The following SLC66A2 variants were observed in gnomAD, a reference collection of about 807,000 sequenced individuals.
The protein encoded by SLC66A2 is PQ loop repeat containing 1.
SLC66A2 carries 23 observed loss-of-function variants against 25.5 expected under a neutral mutation model. That is an observed-to-expected ratio of 0.90 (90% CI 0.65 to 1.28). SLC66A2 has a LOEUF of 1.28. Among genes scored for constraint, SLC66A2 ranks in the 50% most tolerant of loss-of-function variants. SLC66A2 has a pLI of 0.00. For missense variants in SLC66A2, 396 were observed against 373.1 expected (o/e 1.06, Z -0.51); for synonymous variants, 193 against 166.5 (o/e 1.16, Z -1.23).
At chr18:79,949,821 T>C (rs1255318139) in intron 2 of SLC66A2, 1 of 152,200 alleles carries the variant, frequency 6.6e-6, no homozygotes, top group African/African-American at 2.4e-5. Context: ...CACCTTCCAA[T>C]CTGCCCGGAC....
intron 5 of SLC66A2, among the ~76,000 whole-genome samples, chr18:79,908,208 A>G (rs1276462097): frequency 1.3e-5 from 2 of 152,204 alleles, no homozygotes; most frequent in Admixed American, 6.5e-5. Context: ...GCTCTCCTCC[A>G]GCGGAAGAAC....
intron 4 of SLC66A2, among the ~76,000 whole-genome samples, chr18:79,929,888 A>G (rs751473829): frequency 6.6e-6 from 1 of 152,184 alleles, no homozygotes; most frequent in Non-Finnish European, 1.5e-5. Context: ...AAATATCAAT[A>G]AAGACTATGC....
intron 4 of SLC66A2, among the ~76,000 whole-genome samples, chr18:79,929,680 G>GCATATTT: frequency 6.6e-6 from 1 of 152,006 alleles, no homozygotes; most frequent in East Asian, 1.9e-4. Flanking sequence ...ATAACTAAAG[G>GCATATTT]GATCCATGCA....
Position 79,934,353 on chromosome 18 carries a change from T to C in SLC66A2, c.338-331A>G, listed in dbSNP as rs78219109. ...GCATGGGAGCCCGTCACAAGCGTGC[T>C]GTGCTGATGGAAAGCAGCCAGGCAG... is the stretch of plus-strand genomic sequence containing the variant. On this transcript the variant is annotated intron_variant, in intron 3 of 5. Coordinates refer to ENST00000397778, the MANE Select transcript of SLC66A2 (RefSeq NM_025078.5). Among the ~76,000 whole-genome samples, 912 of 152,340 alleles carry C rather than the reference T, an allele frequency of 6.0e-3. 37 individuals are homozygous for C. In the East Asian group the frequency reaches 0.098, roughly 16 times the overall value.
intron 4 of SLC66A2, among the ~76,000 whole-genome samples, chr18:79,928,495 C>T (rs1171123766): frequency 3.9e-5 from 6 of 152,194 alleles, no homozygotes; most frequent in African/African-American, 1.4e-4. Flanking sequence ...AGACCCTCTC[C>T]AGCAACATCA....
In SLC66A2 at chr18:79,950,928, G is replaced by A. The variant is rs914426241; in HGVS notation, c.-2C>T. 11 of 1,546,516 alleles carry A rather than the reference G, an allele frequency of 7.1e-6. No individual in the cohort carries two copies. Among genetic ancestry groups the A allele is most frequent in the Non-Finnish European group, 7.9e-6 (9 of 1,144,540 alleles). The stretch of plus-strand genomic sequence containing the variant: ...CCAGTCCAGGCCCTCGGCCTCCATC[G>A]CAGCGCCCGCCTGGCCGAGGCTGTC... On this transcript the variant is annotated 5_prime_UTR_variant, in exon 2 of 6. Coordinates refer to ENST00000397778, the MANE Select transcript of SLC66A2 (RefSeq NM_025078.5).
chr18:79,951,252 C>T (rs1204705715), intron 1 of SLC66A2, among the ~76,000 whole-genome samples: 1 of 151,378 alleles, frequency 6.6e-6, no homozygotes, highest in African/African-American at 2.4e-5. Context: ...CGAGGACGGG[C>T]GAAGCCCCTG....
chr18:79,911,802 G>T (rs1373554459), intron 5 of SLC66A2, among the ~76,000 whole-genome samples: 2 of 148,912 alleles, frequency 1.3e-5, no homozygotes, highest in African/African-American at 2.5e-5. Context: ...GAGCAGAGGG[G>T]AGGCAGCAGG....
rs1984646116 is a variant in SLC66A2, at chr18:79,919,071, G to C, written c.608+113C>G. ...CTATTCTTTAACCGGCAGCTTCACAGGTCAACGTGGGAAATACACAGCCAG... is the reference window on the plus strand; with the variant it reads ...CTATTCTTTAACCGGCAGCTTCACACGTCAACGTGGGAAATACACAGCCAG... On this transcript the variant is annotated intron_variant, in intron 5 of 5. Coordinates refer to ENST00000397778, the MANE Select transcript of SLC66A2 (RefSeq NM_025078.5). 4.2e-6 allele frequency: 4 copies of C among 962,126 alleles called. No individual in the cohort carries two copies. In the South Asian group the frequency reaches 4.6e-5, roughly 11 times the overall value. The allele number at this position is 962,126 out of a possible 1,614,324, so 59.6% of individuals were successfully genotyped here.
At position 79,904,567 on chromosome 18, in the gene SLC66A2, C is replaced by T. The variant is rs896778191; in HGVS notation, c.609-384G>A. 6.6e-6 allele frequency among the ~76,000 whole-genome samples: 1 copy of T among 152,116 alleles called. No individual in the cohort carries two copies. The highest frequency in any genetic ancestry group is 6.5e-5 in the Admixed American group (1 of 15,288). ...AGGGGACAGCAGGGCGAGCAGCTGA[C>T]GTCAGGGCCCCTGGTGCGCGGTGGC... On this transcript the variant is annotated intron_variant, in intron 5 of 5. Coordinates refer to ENST00000397778, the MANE Select transcript of SLC66A2 (RefSeq NM_025078.5). This position sits in a 1 kb window ranked among gnomAD's most constrained non-coding sequence, Gnocchi z 6.3.
chr18:79,933,865 G>T, intron 4 of SLC66A2, 104 bp downstream of exon 4: 1 of 976,614 alleles, frequency 1.0e-6, no homozygotes, highest in Non-Finnish European at 1.6e-6. Flanking sequence ...TGGTAAAGAT[G>T]ACGCACGCAC....
At chr18:79,946,006 G>A (rs1213230902) in intron 2 of SLC66A2, among the ~76,000 whole-genome samples, 1 of 152,242 alleles carries the variant, frequency 6.6e-6, no homozygotes, top group Non-Finnish European at 1.5e-5. Flanking sequence ...CTGCACGTGA[G>A]CCATTTTGGC....
intron 2 of SLC66A2, among the ~76,000 whole-genome samples, chr18:79,946,294 A>G (rs7238269): frequency 0.37 from 56,861 of 152,200 alleles, 11,248 homozygotes; most frequent in Middle Eastern, 0.48. Flanking sequence ...ATGCACAAGG[A>G]ACAAAATGAA....
chr18:79,925,051 G>C (rs1211944092), intron 4 of SLC66A2: 9 of 152,330 alleles, frequency 5.9e-5, no homozygotes, highest in Admixed American at 2.6e-4. Flanking sequence ...GGTGACTCCT[G>C]ATCTGTCCGG....
intron 3 of SLC66A2, among the ~76,000 whole-genome samples, chr18:79,942,963 C>T (rs1987812429): frequency 6.6e-6 from 1 of 152,134 alleles, no homozygotes; most frequent in South Asian, 2.1e-4. Context: ...TGTGTACAGG[C>T]CACGCACACA....
intron 4 of SLC66A2, among the ~76,000 whole-genome samples, chr18:79,923,241 C>T (rs1205747928): frequency 4.4e-5 from 1 of 22,870 alleles, no homozygotes; most frequent in Non-Finnish European, 8.7e-5. Flanking sequence ...GGGGGGGGGC[C>T]GTGGACGGGT....
intron 1 of SLC66A2, 27 bp from the exon 2 acceptor site, chr18:79,951,052 T>G: frequency 1.5e-6 from 1 of 651,386 alleles, no homozygotes; most frequent in Non-Finnish European, 2.2e-6. Flanking sequence ...GCTGCTCGAG[T>G]TCCGCCCAGG....
chr18:79,913,648 C>T (rs1235957682), intron 5 of SLC66A2, among the ~76,000 whole-genome samples: 1 of 152,252 alleles, frequency 6.6e-6, no homozygotes, highest in African/African-American at 2.4e-5. Context: ...GGCCTGTGCA[C>T]GTGTGTGCAA....
intron 4 of SLC66A2, among the ~76,000 whole-genome samples, chr18:79,926,759 C>G (rs749204354): frequency 1.4e-4 from 22 of 151,940 alleles, no homozygotes; most frequent in Non-Finnish European, 2.4e-4. Context: ...ACTGTAACAG[C>G]TTCTTTGCTA....
Sources: allele counts gnomAD v4.1 joint callset (sites outside exome capture counted in the v4.1 genomes callset), GRCh38; gene constraint gnomAD v4.1.1; non-coding constraint Gnocchi (gnomAD v3.1); transcripts MANE v1.5; gene names NCBI Gene and HGNC (gene_info 2026-07-23, HGNC 2026-07-21).